The following RASGEF1C variants were observed in gnomAD, a reference collection of about 807,000 sequenced individuals.
The protein encoded by RASGEF1C is RasGEF domain family member 1C.
Under a neutral mutation model 58.1 loss-of-function variants are expected in RASGEF1C, and 27 were observed. The observed-to-expected ratio is 0.46, with a 90% CI of 0.34 to 0.64. RASGEF1C has a LOEUF of 0.64. Ranked by LOEUF, RASGEF1C falls within the 30% of genes least tolerant of loss-of-function variation. RASGEF1C has a pLI of 0.01. For synonymous variants in RASGEF1C, 243 were observed against 246.3 expected (o/e 0.99, Z 0.13); for missense variants, 502 against 605.1 (o/e 0.83, Z 1.79).
At chr5:180,176,856 C>T (rs1002712020) in intron 1 of RASGEF1C, among the ~76,000 whole-genome samples, 1 of 152,156 alleles carries the variant, frequency 6.6e-6, no homozygotes, top group Non-Finnish European at 1.5e-5. Context: ...GCGCCTGGTC[C>T]CGGGGCTAAT....
Position 180,118,668 on chromosome 5 carries a change from T to A in RASGEF1C, c.1024A>T (p.Arg342Trp). 1 of 1,614,136 alleles carries A rather than the reference T, an allele frequency of 6.2e-7. No homozygotes were observed. The highest frequency in any genetic ancestry group is 8.5e-7 in the Non-Finnish European group (1 of 1,179,976). ...MDPTGNFCNY[R>W]TALRGAAHRS... The stretch of plus-strand genomic sequence containing the variant: ...TGGGCCGCCCCGCGCAGGGCTGTCC[T>A]GTAGTTGCAGAAATTCCCCGTTGGG... The change falls in exon 10 of 14, where the codon AGG (arginine) becomes TGG (tryptophan). Residue 342 changes from arginine to tryptophan, a missense_variant. Physicochemically the swap from Arg to Trp is moderately radical, Grantham distance 101. Transcript: ENST00000361132.
intron 1 of RASGEF1C, among the ~76,000 whole-genome samples, chr5:180,162,526 C>G (rs1257676552): frequency 6.6e-6 from 1 of 152,204 alleles, no homozygotes; most frequent in African/African-American, 2.4e-5. Flanking sequence ...CTCAGATTCT[C>G]AAAGCTGAAA....
intron 4 of RASGEF1C, among the ~76,000 whole-genome samples, chr5:180,131,799 A>AT (rs951009415): frequency 3.9e-5 from 6 of 152,204 alleles, no homozygotes; most frequent in Admixed American, 6.5e-5. Context: ...AGATTGCCTT[A>AT]TTTTTTAAAA....
chr5:180,208,521 G>A (rs1161161867), intron 1 of RASGEF1C, among the ~76,000 whole-genome samples: 1 of 152,136 alleles, frequency 6.6e-6, no homozygotes, highest in African/African-American at 2.4e-5. Flanking sequence ...CACTGTTCTC[G>A]CAGGCCCTCT....
At position 180,141,929 on chromosome 5, in the gene RASGEF1C, C is replaced by T. The variant is rs142776815; in HGVS notation, c.-6-3871G>A. Among the ~76,000 whole-genome samples, 35 of 152,142 alleles carry T rather than the reference C, an allele frequency of 2.3e-4. 1 individual carries two copies. In the East Asian group the frequency reaches 6.8e-3, roughly 29 times the overall value. ...TTCACCATGTTAGCCAGGATGGTCT[C>T]GATCTCCTGACCTCATATCACACTT... is the stretch of plus-strand genomic sequence containing the variant. On this transcript the variant is annotated intron_variant, in intron 1 of 13. Transcript: ENST00000361132.
At chr5:180,170,486 G>A (rs991163555) in intron 1 of RASGEF1C, among the ~76,000 whole-genome samples, 3 of 152,134 alleles carry the variant, frequency 2.0e-5, no homozygotes, top group Non-Finnish European at 2.9e-5. Context: ...AACTCCCCAC[G>A]CCCCAGCCGA....
chr5:180,117,838 A>G (rs1766094375), intron 10 of RASGEF1C, among the ~76,000 whole-genome samples: 1 of 152,066 alleles, frequency 6.6e-6, no homozygotes, highest in Admixed American at 6.6e-5. Flanking sequence ...TACTAAAAAT[A>G]CAAAAATTAG....
At chr5:180,208,688 G>C (rs1319360628) in intron 1 of RASGEF1C, among the ~76,000 whole-genome samples, 1 of 152,080 alleles carries the variant, frequency 6.6e-6, no homozygotes, top group Non-Finnish European at 1.5e-5. Context: ...GGTCCGGTGC[G>C]GGTGGAGGCT....
chr5:180,107,489 T>C (rs890816814), intron 12 of RASGEF1C, among the ~76,000 whole-genome samples: 1 of 152,234 alleles, frequency 6.6e-6, no homozygotes, highest in Non-Finnish European at 1.5e-5. Flanking sequence ...AATGTGCCAC[T>C]GTCTTCTGGC....
intron 1 of RASGEF1C, among the ~76,000 whole-genome samples, chr5:180,139,818 C>A (rs906633323): frequency 6.6e-6 from 1 of 152,194 alleles, no homozygotes; most frequent in African/African-American, 2.4e-5. Flanking sequence ...GCCCAGGGCC[C>A]GGCAGCTCAG....
intron 3 of RASGEF1C, 56 bp from the exon 4 acceptor site, chr5:180,136,571 C>A (rs1766480362): frequency 6.6e-7 from 1 of 1,523,850 alleles, no homozygotes; most frequent in South Asian, 1.3e-5. Context: ...GGCACGTGAG[C>A]CTCACTGCGC....
At chr5:180,184,420 T>A (rs1025591619) in intron 1 of RASGEF1C, among the ~76,000 whole-genome samples, 1 of 151,574 alleles carries the variant, frequency 6.6e-6, no homozygotes, top group African/African-American at 2.4e-5. Context: ...ACTAAAAAAA[T>A]ACAAATATAA....
At chr5:180,171,418 C>T (rs1270682501) in intron 1 of RASGEF1C, among the ~76,000 whole-genome samples, 2 of 152,158 alleles carry the variant, frequency 1.3e-5, no homozygotes. Context: ...ATCCAACCCG[C>T]CCATGAGAAG....
intron 1 of RASGEF1C, among the ~76,000 whole-genome samples, chr5:180,169,486 T>G (rs1256983961): frequency 6.6e-6 from 1 of 151,070 alleles, no homozygotes; most frequent in Non-Finnish European, 1.5e-5. Flanking sequence ...AGGCAGCCAC[T>G]AGAGGAAGTG....
chr5:180,120,941 T>G, intron 7 of RASGEF1C, 119 bp downstream of exon 7: 1 of 708,276 alleles, frequency 1.4e-6, no homozygotes, highest in Non-Finnish European at 2.5e-6. Context: ...CAGCCTGGCC[T>G]TGGACTTAGA....
chr5:180,127,744 G>A, intron 5 of RASGEF1C, 61 bp from the exon 6 acceptor site: 1 of 1,516,418 alleles, frequency 6.6e-7, no homozygotes, highest in Non-Finnish European at 9.0e-7. Flanking sequence ...GTGTCCACTG[G>A]GGGGCCTGCC....
chr5:180,117,767 G>A (rs1766093158), intron 10 of RASGEF1C, among the ~76,000 whole-genome samples: 1 of 152,164 alleles, frequency 6.6e-6, no homozygotes, highest in African/African-American at 2.4e-5. Flanking sequence ...GTCGAGGCAG[G>A]GAAATCACCT....
chr5:180,203,995 A>AAAAC (rs148792757), intron 1 of RASGEF1C, among the ~76,000 whole-genome samples: 8 of 106,038 alleles, frequency 7.5e-5, no homozygotes, highest in Admixed American at 3.9e-4. Flanking sequence ...TCTGTCTCAA[A>AAAAC]AAACAAACAA....
chr5:180,126,133 C>T (rs1183215718), intron 6 of RASGEF1C, among the ~76,000 whole-genome samples: 1 of 152,108 alleles, frequency 6.6e-6, no homozygotes, highest in Non-Finnish European at 1.5e-5. Flanking sequence ...CTCGGCCGGG[C>T]GCGGTAGCTC....
Sources: allele counts gnomAD v4.1 joint callset (sites outside exome capture counted in the v4.1 genomes callset), GRCh38; gene constraint gnomAD v4.1.1; transcripts MANE v1.5; gene names NCBI Gene and HGNC (gene_info 2026-07-23, HGNC 2026-07-21).